ERG: variants seen among roughly 807,000 people sequenced by gnomAD.
The protein encoded by ERG is ETS transcription factor ERG, also known as transcriptional regulator ERG.
Under a neutral mutation model 55.3 loss-of-function variants are expected in ERG, and 9 were observed. The observed-to-expected ratio is 0.16, with a 90% CI of 0.10 to 0.28. ERG has a LOEUF of 0.28. Among genes scored for constraint, ERG ranks in the 10% least tolerant of loss-of-function variants. The pLI is 1.00. For synonymous variants in ERG, 223 were observed against 237.3 expected, an observed-to-expected ratio of 0.94 and a Z score of 0.55; for missense variants, 434 against 631.6, an observed-to-expected ratio of 0.69 and a Z score of 3.35.
At chr21:38,611,979 G>A (rs2060230131) in intron 1 of ERG, among the ~76,000 whole-genome samples, 1 of 152,152 alleles carries the variant, frequency 6.6e-6, no homozygotes, top group African/African-American at 2.4e-5. Flanking sequence ...TCAACATGGT[G>A]ATTTAAAATA....
At chr21:38,453,550 G>T (rs2058960262) in intron 1 of ERG, among the ~76,000 whole-genome samples, 1 of 152,216 alleles carries the variant, frequency 6.6e-6, no homozygotes, top group Admixed American at 6.5e-5. Flanking sequence ...GAAACAACAT[G>T]CCTGTGATGT....
At chr21:38,660,697 C>A (rs1364717199) in intron 1 of ERG, 3 of 151,962 alleles carry the variant, frequency 2.0e-5, no homozygotes, top group Admixed American at 6.6e-5. Context: ...TTCAGGGAGG[C>A]TCCGGCTCCC....
At chr21:38,564,532 A>C (rs1171336268) in intron 2 of ERG, among the ~76,000 whole-genome samples, 2 of 152,060 alleles carry the variant, frequency 1.3e-5, no homozygotes, top group Non-Finnish European at 2.9e-5. Context: ...CACCTTCTAA[A>C]TCATGTCAAA....
In ERG at chr21:38,398,360, C is replaced by G. The variant is rs116489337; in HGVS notation, c.745+2214G>C. Among the ~76,000 whole-genome samples, 925 of 152,294 alleles carry G rather than the reference C, an allele frequency of 6.1e-3. 10 individuals carry two copies. Among genetic ancestry groups the G allele is most frequent in the African/African-American group, 0.021 (891 of 41,544 alleles). ...CTGAATAGGGCCTACAGTAAATAGTCCTCTGGCTTGTTCAGTCTGCTTTAA... is the reference window on the plus strand; with the variant it reads ...CTGAATAGGGCCTACAGTAAATAGTGCTCTGGCTTGTTCAGTCTGCTTTAA... On this transcript the variant is annotated intron_variant, in intron 6 of 9. Coordinates refer to ENST00000288319, the MANE Select transcript of ERG (RefSeq NM_182918.4).
intron 1 of ERG, among the ~76,000 whole-genome samples, chr21:38,601,515 A>G (rs1010664952): frequency 2.0e-5 from 3 of 152,198 alleles, no homozygotes; most frequent in African/African-American, 7.2e-5. Flanking sequence ...GGCTAGCCAG[A>G]GAAACAGGGG....
intron 1 of ERG, among the ~76,000 whole-genome samples, chr21:38,457,296 C>T (rs937547374): frequency 6.6e-5 from 10 of 152,112 alleles, no homozygotes; most frequent in East Asian, 5.8e-4. Context: ...ATTAGCTGGG[C>T]GTGGTGGCAC....
chr21:38,445,627 T>A lies in ERG; in HGVS notation c.19-6A>T. ...CTCACAACTGATAAGGCTTCCTGAATGCCCAAAGAAACACATAATTCAAGA... is the reference window on the plus strand; with the variant it reads ...CTCACAACTGATAAGGCTTCCTGAAAGCCCAAAGAAACACATAATTCAAGA... On this transcript the variant is annotated splice_polypyrimidine_tract_variant and splice_region_variant and intron_variant, in intron 1 of 9. Transcript: ENST00000288319. 1 of 1,612,940 alleles carries A rather than the reference T, an allele frequency of 6.2e-7. No individual in the cohort carries two copies. Among genetic ancestry groups the A allele is most frequent in the Non-Finnish European group, 8.5e-7 (1 of 1,178,974 alleles).
chr21:38,578,524 C>T (rs1601268548), intron 1 of ERG, among the ~76,000 whole-genome samples: 1 of 152,290 alleles, frequency 6.6e-6, no homozygotes, highest in South Asian at 2.1e-4. Context: ...ACAAGTATGA[C>T]AGATCCTAGC....
intron 2 of ERG, among the ~76,000 whole-genome samples, chr21:38,430,356 T>C (rs1047195576): frequency 6.6e-6 from 1 of 152,254 alleles, no homozygotes; most frequent in Non-Finnish European, 1.5e-5. Context: ...TCTTCCACTC[T>C]GTGGGTTGTC....
intron 2 of ERG, among the ~76,000 whole-genome samples, chr21:38,518,981 G>A (rs1426015737): frequency 6.6e-6 from 1 of 152,138 alleles, no homozygotes; most frequent in Non-Finnish European, 1.5e-5. Context: ...GAAAAACAGG[G>A]AAGAAACTGC....
chr21:38,644,056 C>T (rs1453491617), intron 1 of ERG, among the ~76,000 whole-genome samples: 1 of 152,094 alleles, frequency 6.6e-6, no homozygotes, highest in African/African-American at 2.4e-5. Context: ...GCTTTTTTTC[C>T]TAGAGGCCTT....
At chr21:38,391,547 G>C (rs995522600) in intron 8 of ERG, 112 bp downstream of exon 8, 3 of 929,438 alleles carry the variant, frequency 3.2e-6, no homozygotes, top group Non-Finnish European at 5.0e-6. Context: ...TGGAGCTGTC[G>C]AAAAGAGGCA....
chr21:38,606,812 G>A (rs1467257614), intron 1 of ERG, among the ~76,000 whole-genome samples: 4 of 152,128 alleles, frequency 2.6e-5, no homozygotes, highest in Non-Finnish European at 4.4e-5. Context: ...AGATGTTAAG[G>A]AGTGTGGAGG....
chr21:38,521,445 C>T (rs28515592), intron 2 of ERG, among the ~76,000 whole-genome samples: 1 of 152,074 alleles, frequency 6.6e-6, no homozygotes, highest in African/African-American at 2.4e-5. Context: ...CACTATGTGA[C>T]GCCACCTCCA....
In ERG at chr21:38,627,266, G is replaced by C. The variant is rs554459469; in HGVS notation, c.-150+34392C>G. 5.1e-4 allele frequency among the ~76,000 whole-genome samples: 78 copies of C among 152,192 alleles called. 2 individuals carry two copies. In the South Asian group the frequency reaches 0.016, roughly 32 times the overall value. ...ACAATCAAACAAAAATCATAAAATT[G>C]CCAAGACATTAATGTAAAACTACAT... On this transcript the variant is annotated intron_variant, in intron 1 of 10. Coordinates refer to the ERG transcript ENST00000398910.
intron 1 of ERG, among the ~76,000 whole-genome samples, chr21:38,461,426 T>A (rs773271196): frequency 2.0e-5 from 3 of 152,204 alleles, no homozygotes; most frequent in South Asian, 2.1e-4. Flanking sequence ...GGGTTAGGAC[T>A]TCAACATAAC....
At chr21:38,505,680 G>A (rs910058045) in intron 2 of ERG, among the ~76,000 whole-genome samples, 5 of 152,204 alleles carry the variant, frequency 3.3e-5, no homozygotes, top group African/African-American at 1.2e-4. Flanking sequence ...TTTTCCCACT[G>A]CGCGGTTGCC....
chr21:38,488,108 C>T (rs899146971), intron 1 of ERG, among the ~76,000 whole-genome samples: 1 of 152,122 alleles, frequency 6.6e-6, no homozygotes, highest in Non-Finnish European at 1.5e-5. Context: ...TTCTTCCCTT[C>T]GCAATGCACT....
chr21:38,578,961 T>A (rs1162469193), intron 1 of ERG, among the ~76,000 whole-genome samples: 9 of 152,156 alleles, frequency 5.9e-5, no homozygotes. Context: ...AGGAAGCCAC[T>A]TCATCCCAAC....
Sources: allele counts gnomAD v4.1 joint callset (sites outside exome capture counted in the v4.1 genomes callset), GRCh38; gene constraint gnomAD v4.1.1; transcripts MANE v1.5; gene names NCBI Gene and HGNC (gene_info 2026-07-23, HGNC 2026-07-21).